Variants in HSD17B12 observed in about 807,000 individuals in gnomAD.
HSD17B12 encodes hydroxysteroid 17-beta dehydrogenase 12, also known as very-long-chain 3-oxoacyl-CoA reductase.
A neutral mutation model predicts 39.3 loss-of-function variants in HSD17B12; 32 were observed. That is an observed-to-expected ratio of 0.81 (90% confidence interval 0.61 to 1.09). The LOEUF is 1.09. Among genes scored for constraint, HSD17B12 ranks in the 50% least tolerant of loss-of-function variants. The pLI is 0.00. For missense variants in HSD17B12, 342 were observed against 382.9 expected (o/e 0.89, Z 0.89); for synonymous variants, 150 against 146.7 (o/e 1.02, Z -0.16).
chr11:43,655,550 G>A, the HSD17B12 span, among the ~76,000 whole-genome samples: 3 of 152,196 alleles, frequency 2.0e-5, no homozygotes, highest in South Asian at 4.1e-4. Context: ...GTTTCTCATA[G>A]ATAGCTCTTA....
the HSD17B12 span, among the ~76,000 whole-genome samples, chr11:43,661,619 C>T: frequency 6.6e-6 from 1 of 151,936 alleles, no homozygotes; most frequent in South Asian, 2.1e-4. Flanking sequence ...TCAAGATCTG[C>T]CTAGACAACA....
At chr11:43,735,427 CA>C (rs1950307719) in intron 1 of HSD17B12, among the ~76,000 whole-genome samples, 3 of 152,188 alleles carry the variant, frequency 2.0e-5, no homozygotes, top group Non-Finnish European at 4.4e-5. Context: ...TCCTCACCAA[CA>C]CTTAATTTAC....
At chr11:43,583,037 A>G in the HSD17B12 span, among the ~76,000 whole-genome samples, 30 of 152,270 alleles carry the variant, frequency 2.0e-4, no homozygotes, top group African/African-American at 7.2e-4. Context: ...GATTAATAAT[A>G]GCTTCACCCT....
intron 5 of HSD17B12, 23 bp downstream of exon 5, chr11:43,815,524 T>C (rs1951114096): frequency 6.9e-7 from 1 of 1,446,966 alleles, no homozygotes; most frequent in Non-Finnish European, 9.6e-7. Context: ...TTGTGTATTA[T>C]GGTAACAAAA....
chr11:43,558,460 C>T, the HSD17B12 span, among the ~76,000 whole-genome samples: 1 of 151,992 alleles, frequency 6.6e-6, no homozygotes, highest in Non-Finnish European at 1.5e-5. Flanking sequence ...GCAGCACTCT[C>T]AGCTGTAGTA....
intron 1 of HSD17B12, among the ~76,000 whole-genome samples, chr11:43,686,153 A>G (rs1199457814): frequency 6.6e-6 from 1 of 152,202 alleles, no homozygotes; most frequent in African/African-American, 2.4e-5. Context: ...TAAATGTCAT[A>G]TGCTTGCTGT....
chr11:43,777,969 G>T (rs929264812), intron 3 of HSD17B12, among the ~76,000 whole-genome samples: 8 of 151,958 alleles, frequency 5.3e-5, no homozygotes, highest in Non-Finnish European at 2.9e-5. Context: ...CAGAAGGCAA[G>T]AAATAATTAA....
At chr11:43,674,372 A>T in the HSD17B12 span, among the ~76,000 whole-genome samples, 1 of 152,232 alleles carries the variant, frequency 6.6e-6, no homozygotes, top group African/African-American at 2.4e-5. Context: ...CCAAAGGGCT[A>T]TCTGGCATGT....
intron 8 of HSD17B12, among the ~76,000 whole-genome samples, chr11:43,838,750 G>A (rs3802891): frequency 0.33 from 50,484 of 151,946 alleles, 9,789 homozygotes; most frequent in East Asian, 0.69. Flanking sequence ...ATGTTAATGA[G>A]TCTAAGATTG....
chr11:43,719,923 G>A (rs1015955695), intron 1 of HSD17B12, among the ~76,000 whole-genome samples: 5 of 152,242 alleles, frequency 3.3e-5, no homozygotes, highest in African/African-American at 9.6e-5. Context: ...TTAAAACTTT[G>A]AGAGTTTTCT....
At chr11:43,588,667 G>A in the HSD17B12 span, among the ~76,000 whole-genome samples, 19 of 140,702 alleles carry the variant, frequency 1.4e-4, no homozygotes, top group Non-Finnish European at 2.5e-4. Context: ...GACACACATA[G>A]CAATGTCATA....
At chr11:43,694,559 A>G (rs1227488781) in intron 1 of HSD17B12, among the ~76,000 whole-genome samples, 5 of 152,192 alleles carry the variant, frequency 3.3e-5, no homozygotes, top group African/African-American at 9.6e-5. Context: ...ATGGTGGTAC[A>G]TGCCTGTAGT....
chr11:43,814,139 GT>G (rs1158712394), intron 4 of HSD17B12, among the ~76,000 whole-genome samples: 2 of 150,594 alleles, frequency 1.3e-5, no homozygotes, highest in African/African-American at 4.9e-5. Flanking sequence ...GTTATGAGAT[GT>G]TTGTTTATTA....
Position 43,831,591 on chromosome 11 carries a change from C to T in HSD17B12, c.536+581C>T, listed in dbSNP as rs1951311564. On this transcript the variant is annotated intron_variant, in intron 7 of 10. Transcript: ENST00000278353. The surrounding 1 kb of genome is among the most constrained non-coding windows in gnomAD (Gnocchi z 4.1). ...GAAATATGTTGTAGATTTCTGTTATCTGAAATAGCATGAAGTGTAGAATTG... is the reference window on the plus strand; with the variant it reads ...GAAATATGTTGTAGATTTCTGTTATTTGAAATAGCATGAAGTGTAGAATTG... 6.6e-6 allele frequency: 1 copy of T among 152,188 alleles called. No homozygotes were observed. The highest frequency in any genetic ancestry group is 2.1e-4 in the South Asian group (1 of 4,830). The allele number at this position is 152,188 out of a possible 1,614,324, so 9.4% of individuals were successfully genotyped here.
At chr11:43,650,667 A>G in the HSD17B12 span, among the ~76,000 whole-genome samples, 1 of 152,204 alleles carries the variant, frequency 6.6e-6, no homozygotes, top group Non-Finnish European at 1.5e-5. Flanking sequence ...ATTGTTTTTC[A>G]TGGCAGAGTC....
chr11:43,557,579 A>G, the HSD17B12 span, among the ~76,000 whole-genome samples: 1 of 152,240 alleles, frequency 6.6e-6, no homozygotes, highest in Non-Finnish European at 1.5e-5. Flanking sequence ...GAAATTTAAA[A>G]TAAATGTTTC....
chr11:43,616,930 TC>T, the HSD17B12 span, among the ~76,000 whole-genome samples: 9,007 of 146,240 alleles, frequency 0.062, 380 homozygotes, highest in Non-Finnish European at 0.091. Flanking sequence ...CAAGATTGCG[TC>T]ATTGCACTCC....
intron 6 of HSD17B12, among the ~76,000 whole-genome samples, chr11:43,818,932 C>A (rs557461996): frequency 6.6e-6 from 1 of 151,974 alleles, no homozygotes; most frequent in East Asian, 1.9e-4. Context: ...TAGTCTACAA[C>A]GTATATATTT....
intron 1 of HSD17B12, among the ~76,000 whole-genome samples, chr11:43,697,012 G>A (rs1367680944): frequency 6.6e-6 from 1 of 151,926 alleles, no homozygotes; most frequent in East Asian, 1.9e-4. Flanking sequence ...GACTTGTTGC[G>A]GGGGGTGGGA....
Sources: allele counts gnomAD v4.1 joint callset (sites outside exome capture counted in the v4.1 genomes callset), GRCh38; gene constraint gnomAD v4.1.1; non-coding constraint Gnocchi (gnomAD v3.1); transcripts MANE v1.5; gene names NCBI Gene and HGNC (gene_info 2026-07-23, HGNC 2026-07-21).